The following MAP1B variants were observed in gnomAD, a reference collection of about 807,000 sequenced individuals.
MAP1B encodes the protein microtubule-associated protein 1B.
A neutral mutation model predicts 176.1 loss-of-function variants in MAP1B; 12 were observed. The observed-to-expected ratio is 0.07, with a 90% CI of 0.04 to 0.11. MAP1B has a LOEUF of 0.11. Among genes scored for constraint, MAP1B ranks in the 10% least tolerant of loss-of-function variants. The pLI, the probability that MAP1B is intolerant of heterozygous loss-of-function variation, is 1.00. For missense variants in MAP1B, 2,523 were observed against 2,990.5 expected, an observed-to-expected ratio of 0.84 and a Z score of 3.65; for synonymous variants, 1,044 against 1,135.0, an observed-to-expected ratio of 0.92 and a Z score of 1.61.
At chr5:72,183,974 G>A (rs1746836593) in intron 3 of MAP1B, 149 bp downstream of exon 3, 1 of 646,100 alleles carries the variant, frequency 1.5e-6, no homozygotes, top group Non-Finnish European at 2.7e-6. Context: ...CCCCCATTAA[G>A]TGGCTGGTTC....
intron 2 of MAP1B, among the ~76,000 whole-genome samples, chr5:72,134,475 A>C (rs1745793969): frequency 2.0e-5 from 3 of 152,012 alleles, no homozygotes; most frequent in Non-Finnish European, 4.4e-5. Flanking sequence ...ACAGGGGATT[A>C]GCATGAGGAG....
chr5:72,129,224 T>C (rs1158582324), intron 2 of MAP1B, among the ~76,000 whole-genome samples: 1 of 152,200 alleles, frequency 6.6e-6, no homozygotes, highest in Non-Finnish European at 1.5e-5. Flanking sequence ...TTATATTGTA[T>C]CAAAATGTAT....
In MAP1B at chr5:72,127,544, C is replaced by T. The variant is rs1329701099; in HGVS notation, c.286+11745C>T. Among the ~76,000 whole-genome samples the T allele has an allele frequency of 2.0e-5, 3 of 151,956 alleles. No individual in the cohort carries two copies. In the South Asian group the frequency reaches 6.2e-4, roughly 31 times the overall value. On this transcript the variant is annotated intron_variant, in intron 2 of 6. Transcript: ENST00000296755. ...ATGGGTACAGCAAACCACCATGGCACGTGTATACCTATGTAACAAACCTCC... is the reference window on the plus strand; with the variant it reads ...ATGGGTACAGCAAACCACCATGGCATGTGTATACCTATGTAACAAACCTCC...
At chr5:72,121,843 CA>C (rs1043432224) in intron 2 of MAP1B, among the ~76,000 whole-genome samples, 1 of 152,216 alleles carries the variant, frequency 6.6e-6, no homozygotes, top group Non-Finnish European at 1.5e-5. Context: ...AGCCCTGCTC[CA>C]ACCTTTAAAC....
At chr5:72,134,836 G>A (rs1459578371) in intron 2 of MAP1B, among the ~76,000 whole-genome samples, 2 of 150,814 alleles carry the variant, frequency 1.3e-5, no homozygotes, top group Non-Finnish European at 2.9e-5. Context: ...GAAAAGGAAG[G>A]CAGGCGGCTG....
chr5:72,124,333 T>G (rs1453358510), intron 2 of MAP1B, among the ~76,000 whole-genome samples: 1 of 152,188 alleles, frequency 6.6e-6, no homozygotes, highest in Non-Finnish European at 1.5e-5. Flanking sequence ...CTGGAGAAAT[T>G]AACATAAATA....
chr5:72,131,397 A>G (rs1212253420), intron 2 of MAP1B, among the ~76,000 whole-genome samples: 2 of 152,136 alleles, frequency 1.3e-5, no homozygotes, highest in Admixed American at 1.3e-4. Flanking sequence ...TTATAGGTAT[A>G]GAGTACGCAG....
chr5:72,115,950 GTTTAGGAAGTCAC>G lies in MAP1B; in HGVS notation c.286+153_286+165del, dbSNP rs1438672941. On this transcript the variant is annotated intron_variant, in intron 2 of 6. Coordinates refer to ENST00000296755, the MANE Select transcript of MAP1B (RefSeq NM_005909.5). ...TCAACTAGGTTAGCCAGCAGCCACA[GTTTAGGAAGTCAC>G]TCTAGGTTATCACTGTGTGGGTTAT... 1.5e-5 allele frequency: 9 copies of G among 585,044 alleles called. No homozygotes were observed. In the East Asian group the frequency reaches 2.8e-4, roughly 18 times the overall value. The allele number at this position is 585,044 out of a possible 1,614,324, so 36.2% of individuals were successfully genotyped here.
At chr5:72,133,018 A>G (rs1299483213) in intron 2 of MAP1B, among the ~76,000 whole-genome samples, 1 of 152,136 alleles carries the variant, frequency 6.6e-6, no homozygotes, top group Non-Finnish European at 1.5e-5. Flanking sequence ...CCGCTCATCT[A>G]GAACCTGGAA....
chr5:72,194,073 C>T lies in MAP1B; in HGVS notation c.718C>T (p.Pro240Ser), dbSNP rs1249808397. 6.2e-7 allele frequency: 1 copy of T among 1,614,180 alleles called. No individual in the cohort carries two copies. Among genetic ancestry groups the T allele is most frequent in the East Asian group, 2.2e-5 (1 of 44,882 alleles). The change falls in exon 5 of 7, where the codon CCA (proline) becomes TCA (serine). Residue 240 changes from proline to serine, a missense_variant. Transcript: ENST00000296755. This position sits in a 1 kb window ranked among gnomAD's most constrained non-coding sequence, Gnocchi z 7.2. ...GTATCTCTCAGAATCAGTGGAAGTC[C>T]CATCTCCCTTTGACATCTTGGAACC... The part of the protein sequence containing the change: ...TEYLSESVEV[P>S]SPFDILEPPT...
At chr5:72,118,010 T>G (rs1745463613) in intron 2 of MAP1B, among the ~76,000 whole-genome samples, 1 of 152,220 alleles carries the variant, frequency 6.6e-6, no homozygotes, top group Non-Finnish European at 1.5e-5. Flanking sequence ...ATCACTGGAT[T>G]GGGCCCAGGG....
intron 2 of MAP1B, among the ~76,000 whole-genome samples, chr5:72,171,585 C>T (rs1746543496): frequency 2.0e-5 from 3 of 152,010 alleles, no homozygotes; most frequent in African/African-American, 7.2e-5. Context: ...GTGAGACCCT[C>T]CCTCAAAAAA....
At chr5:72,153,441 T>G (rs1029530863) in intron 2 of MAP1B, among the ~76,000 whole-genome samples, 1 of 152,028 alleles carries the variant, frequency 6.6e-6, no homozygotes, top group Non-Finnish European at 1.5e-5. Flanking sequence ...GAAGCAGTGG[T>G]CTCTTGCCAT....
intron 2 of MAP1B, among the ~76,000 whole-genome samples, chr5:72,122,377 A>G (rs1469867422): frequency 1.3e-5 from 2 of 152,272 alleles, no homozygotes; most frequent in Middle Eastern, 3.4e-3. Flanking sequence ...AAAGAGCCAG[A>G]CCTTCCAAGG....
In MAP1B at chr5:72,198,375, G is replaced by T; in HGVS notation, c.5020G>T (p.Ala1674Ser). The change falls in exon 5 of 7, where the codon GCA becomes TCA. Residue 1674 changes from alanine (A) to serine (S), a missense_variant. Coordinates refer to ENST00000296755, the MANE Select transcript of MAP1B (RefSeq NM_005909.5). ...RQSPDHPTVGAGVLHITENGP... is the reference protein window; with the variant it reads ...RQSPDHPTVGSGVLHITENGP... ...GTCTCCAGATCACCCTACAGTGGGT[G>T]CAGGCGTGCTTCACATCACTGAAAA... 1.2e-6 allele frequency: 2 copies of T among 1,614,136 alleles called. No individual in the cohort carries two copies. The highest frequency in any genetic ancestry group is 1.7e-6 in the Non-Finnish European group (2 of 1,179,994).
At chr5:72,123,482 T>C (rs866830010) in intron 2 of MAP1B, among the ~76,000 whole-genome samples, 1 of 142,862 alleles carries the variant, frequency 7.0e-6, no homozygotes, top group African/African-American at 2.6e-5. Flanking sequence ...GTTTTTTTTG[T>C]TTTTTTTTTA....
chr5:72,163,525 C>T (rs1033500624), intron 2 of MAP1B, among the ~76,000 whole-genome samples: 1 of 152,148 alleles, frequency 6.6e-6, no homozygotes, highest in Non-Finnish European at 1.5e-5. Context: ...AATAAGGAAT[C>T]TGAGTCATGT....
Position 72,113,866 on chromosome 5 carries a change from G to C in MAP1B, c.185-1832G>C, listed in dbSNP as rs78977484. ...CTAATGAATTCAGACCTCTCAACCT[G>C]TCAAGCTCTCTGTGAAACAAAAAGA... is the stretch of plus-strand genomic sequence containing the variant. On this transcript the variant is annotated intron_variant, in intron 1 of 6. Transcript: ENST00000296755. 5.3e-3 allele frequency among the ~76,000 whole-genome samples: 801 copies of C among 152,282 alleles called. 6 individuals carry two copies. Among genetic ancestry groups the C allele is most frequent in the African/African-American group, 0.018 (743 of 41,560 alleles).
At chr5:72,142,295 G>T (rs1401808487) in intron 2 of MAP1B, among the ~76,000 whole-genome samples, 2 of 152,108 alleles carry the variant, frequency 1.3e-5, no homozygotes, top group East Asian at 3.9e-4. Flanking sequence ...GTCGCTTATT[G>T]TGCAGACTGG....
Sources: allele counts gnomAD v4.1 joint callset (sites outside exome capture counted in the v4.1 genomes callset), GRCh38; gene constraint gnomAD v4.1.1; non-coding constraint Gnocchi (gnomAD v3.1); transcripts MANE v1.5; gene names NCBI Gene and HGNC (gene_info 2026-07-23, HGNC 2026-07-21).